Variants in ST6GALNAC5 observed in about 807,000 individuals in gnomAD.
ST6GALNAC5 encodes ST6 N-acetylgalactosaminide alpha-2,6-sialyltransferase 5.
Under a neutral mutation model 33.6 loss-of-function variants are expected in ST6GALNAC5, and 27 were observed. That is an observed-to-expected ratio of 0.80 (90% CI 0.59 to 1.11). The LOEUF (loss-of-function observed/expected upper bound fraction) is 1.11, where lower values mean the gene tolerates loss of function less well. ST6GALNAC5 is among the 50% of genes least tolerant of loss of function. The pLI, the probability that ST6GALNAC5 is intolerant of heterozygous loss-of-function variation, is 0.00. For synonymous variants in ST6GALNAC5, 194 were observed against 171.2 expected, an observed-to-expected ratio of 1.13 and a Z score of -1.04; for missense variants, 428 against 454.0, an observed-to-expected ratio of 0.94 and a Z score of 0.52.
chr1:76,885,349 GA>G lies in ST6GALNAC5; in HGVS notation c.261+16617del, dbSNP rs201045467. Reference sequence around the variant, plus strand: ...CATTGTCTTCTCGAAATGACAAAAGGAAAAAAAAAAGAGGAAAGTTACAATT... The same window carrying G: ...CATTGTCTTCTCGAAATGACAAAAGGAAAAAAAAAGAGGAAAGTTACAATT... On this transcript the variant is annotated intron_variant, in intron 2 of 4. Coordinates refer to ENST00000477717, the MANE Select transcript of ST6GALNAC5 (RefSeq NM_030965.3). 3.2e-3 allele frequency among the ~76,000 whole-genome samples: 462 copies of G among 145,708 alleles called. 1 individual carries two copies. Among genetic ancestry groups the G allele is most frequent in the African/African-American group, 0.011 (424 of 39,806 alleles).
intron 2 of ST6GALNAC5, among the ~76,000 whole-genome samples, chr1:77,010,977 A>G (rs574617623): frequency 6.6e-6 from 1 of 152,320 alleles, no homozygotes; most frequent in African/African-American, 2.4e-5. Flanking sequence ...AAATGTCTTC[A>G]TCCCCTGCCG....
Position 76,868,734 on chromosome 1 carries a change from G to A in ST6GALNAC5, c.253G>A (p.Asp85Asn). ...ACTGGACGGATACCTCGGAGTGGCG[G>A]ACCACAAGGTGACAGCATGCCCGCC... is the stretch of plus-strand genomic sequence containing the variant. ...RPLDGYLGVA[D>N]HKPLKMHCRD... Residue 85 changes from aspartate (D) to asparagine (N), a missense_variant, in exon 2 of 5, where the codon GAC becomes AAC. Transcript: ENST00000477717. This position sits in a 1 kb window ranked among gnomAD's most constrained non-coding sequence, Gnocchi z 4.3. 1 of 1,507,072 alleles carries A rather than the reference G, an allele frequency of 6.6e-7. No homozygotes were observed. Among genetic ancestry groups the A allele is most frequent in the Non-Finnish European group, 8.8e-7 (1 of 1,130,754 alleles). The allele number at this position is 1,507,072 out of a possible 1,614,324, so 93.4% of individuals were successfully genotyped here. A position where few individuals can be genotyped will look rare whatever the true frequency, so the allele number is the denominator to read the frequency against.
intron 2 of ST6GALNAC5, among the ~76,000 whole-genome samples, chr1:76,907,678 C>A (rs1204105068): frequency 6.6e-6 from 1 of 152,092 alleles, no homozygotes; most frequent in Non-Finnish European, 1.5e-5. Context: ...TCCACGTTCC[C>A]CTATCCCTGG....
At chr1:76,912,740 T>G (rs997577210) in intron 2 of ST6GALNAC5, among the ~76,000 whole-genome samples, 3 of 152,134 alleles carry the variant, frequency 2.0e-5, no homozygotes, top group Non-Finnish European at 2.9e-5. Context: ...GAGACTAGGA[T>G]TGCAACCCCT....
rs1007092814 is a variant in ST6GALNAC5, at chr1:76,954,209, C to T, written c.261+85467C>T. The stretch of plus-strand genomic sequence containing the variant: ...AATACTGTGCAGCCTTAAAAAGGAG[C>T]GAGATTATGTCCTTTGCAGGGACAT... On this transcript the variant is annotated intron_variant, in intron 2 of 4. Coordinates refer to ENST00000477717, the MANE Select transcript of ST6GALNAC5 (RefSeq NM_030965.3). Among the ~76,000 whole-genome samples the T allele has an allele frequency of 6.6e-5, 10 of 151,972 alleles. No individual in the cohort carries two copies. The South Asian group carries it at 8.3e-4, about 13-fold the overall frequency.
intron 2 of ST6GALNAC5, among the ~76,000 whole-genome samples, chr1:76,961,762 CT>C (rs1488619856): frequency 6.6e-6 from 1 of 152,176 alleles, no homozygotes; most frequent in Non-Finnish European, 1.5e-5. Context: ...TTGATTGCCC[CT>C]GTTAAACACA....
In ST6GALNAC5 at chr1:77,066,788, C is replaced by T. The variant is rs1218974097; in HGVS notation, c.*3582C>T. On this transcript the variant is annotated 3_prime_UTR_variant, in exon 5 of 5. Coordinates refer to ENST00000477717, the MANE Select transcript of ST6GALNAC5 (RefSeq NM_030965.3). ...CATTCTCATTGCTTCTCTCTTAAAC[C>T]TCATTGTATCTCTTTACTGTCATTT... Among the ~76,000 whole-genome samples, 1 of 152,168 alleles carries T rather than the reference C, an allele frequency of 6.6e-6. No homozygotes were observed. The highest frequency in any genetic ancestry group is 1.5e-5 in the Non-Finnish European group (1 of 68,036).
rs1475566953 is a variant in ST6GALNAC5, at chr1:77,044,330, G to A, written c.388G>A (p.Gly130Ser). ...VIRMNDAPTR[G>S]YGRDVGNRTS... ...CCGCATGAATGACGCCCCCACACGC[G>A]GCTATGGGCGTGACGTGGGCAATCG... The change falls in exon 3 of 5, where the codon GGC becomes AGC. Residue 130 changes from glycine (G) to serine (S), a missense_variant. Transcript: ENST00000477717. 9.9e-6 allele frequency: 16 copies of A among 1,613,936 alleles called. No individual in the cohort carries two copies. The highest frequency in any genetic ancestry group is 3.3e-4 in the Middle Eastern group (2 of 6,062).
intron 2 of ST6GALNAC5, among the ~76,000 whole-genome samples, chr1:76,871,707 G>T (rs1653508669): frequency 6.6e-6 from 1 of 152,062 alleles, no homozygotes; most frequent in Non-Finnish European, 1.5e-5. Flanking sequence ...CACTTTTCAT[G>T]GTCATATTCT....
chr1:77,060,107 G>GA (rs149370762), intron 4 of ST6GALNAC5: 5,508 of 151,318 alleles, frequency 0.036, 198 homozygotes, highest in African/African-American at 0.094. Context: ...CCTCTAAAAA[G>GA]AAAAAAAAAT....
At chr1:77,022,616 AC>A (rs1570107202) in intron 2 of ST6GALNAC5, among the ~76,000 whole-genome samples, 1 of 152,200 alleles carries the variant, frequency 6.6e-6, no homozygotes, top group Non-Finnish European at 1.5e-5. Context: ...CACACTATGG[AC>A]CAGTAAAGTT....
chr1:76,999,826 C>CAT (rs1650076440), intron 2 of ST6GALNAC5, among the ~76,000 whole-genome samples: 1 of 138,240 alleles, frequency 7.2e-6, no homozygotes, highest in Non-Finnish European at 1.6e-5. Flanking sequence ...GAACTCATCA[C>CAT]TTTTTATGGC....
intron 2 of ST6GALNAC5, among the ~76,000 whole-genome samples, chr1:77,041,970 C>T (rs887143994): frequency 6.6e-6 from 1 of 152,190 alleles, no homozygotes; most frequent in South Asian, 2.1e-4. Context: ...ACTGATTCTG[C>T]TTATTCTACT....
chr1:76,947,706 G>A (rs373966926), intron 2 of ST6GALNAC5, among the ~76,000 whole-genome samples: 12 of 152,160 alleles, frequency 7.9e-5, no homozygotes, highest in South Asian at 6.2e-4. Flanking sequence ...TGATCACGCC[G>A]CTGTATTCTA....
At chr1:76,888,097 C>T (rs1653935964) in intron 2 of ST6GALNAC5, among the ~76,000 whole-genome samples, 1 of 152,064 alleles carries the variant, frequency 6.6e-6, no homozygotes, top group Admixed American at 6.5e-5. Flanking sequence ...TAGACACAAC[C>T]GTGGATGTTT....
In ST6GALNAC5 at chr1:77,057,648, G is replaced by A. The variant is rs558692772; in HGVS notation, c.780-5327G>A. On this transcript the variant is annotated intron_variant, in intron 4 of 4. Coordinates refer to ENST00000477717, the MANE Select transcript of ST6GALNAC5 (RefSeq NM_030965.3). ...TCCGGATATATGGAGGGTACCTCTG[G>A]AATGAAAGTTTATGACCTGCTTTAG... Among the ~76,000 whole-genome samples the A allele has an allele frequency of 7.9e-5, 12 of 152,244 alleles. No homozygotes were observed. In the South Asian group the frequency reaches 2.5e-3, roughly 32 times the overall value.
At chr1:76,923,668 G>T (rs1183952226) in intron 2 of ST6GALNAC5, among the ~76,000 whole-genome samples, 2 of 152,030 alleles carry the variant, frequency 1.3e-5, no homozygotes, top group African/African-American at 2.4e-5. Context: ...ACTCCAGCCT[G>T]GGAGAGAGAG....
chr1:76,950,984 A>G (rs978619661), intron 2 of ST6GALNAC5, among the ~76,000 whole-genome samples: 1 of 151,958 alleles, frequency 6.6e-6, no homozygotes, highest in African/African-American at 2.4e-5. Flanking sequence ...GTTACACCAA[A>G]AAAAAAAATA....
chr1:76,978,849 A>G (rs1222748521), intron 2 of ST6GALNAC5, among the ~76,000 whole-genome samples: 1 of 152,238 alleles, frequency 6.6e-6, no homozygotes, highest in East Asian at 1.9e-4. Flanking sequence ...CCCTGGTTGC[A>G]GATGACATGG....
Sources: gnomAD v4.1 joint callset for allele counts (sites outside exome capture counted in the v4.1 genomes callset) on GRCh38, gnomAD v4.1.1 for gene constraint, Gnocchi (gnomAD v3.1) non-coding constraint, MANE v1.5 for transcripts, NCBI Gene and HGNC (gene_info 2026-07-23, HGNC 2026-07-21) for gene names.